The following CSMD2 variants were observed in gnomAD, a reference collection of about 807,000 sequenced individuals.
CSMD2 encodes CUB and Sushi multiple domains 2.
CSMD2 carries 130 observed loss-of-function variants against 398.5 expected under a neutral mutation model. The ratio of observed to expected loss-of-function variants is 0.33; its 90% CI spans 0.28 to 0.38. The LOEUF is 0.38. Among genes scored for constraint, CSMD2 ranks in the 10% least tolerant of loss-of-function variants. CSMD2 has a pLI of 1.00. For synonymous variants in CSMD2, 1,828 were observed against 1,908.5 expected (o/e 0.96, Z 1.10); for missense variants, 3,829 against 4,764.9 (o/e 0.80, Z 5.78).
rs187172425 is a variant in CSMD2, at chr1:33,628,821, A to T, written c.5201-2240T>A. On this transcript the variant is annotated intron_variant, in intron 32 of 70. Transcript: ENST00000373381. ...AGTGGGCTTTTTAATTAACAACAAC[A>T]AAAAAAGAAAATCACATAGACAGAA... Among the ~76,000 whole-genome samples the T allele has an allele frequency of 1.5e-4, 23 of 152,278 alleles. No homozygotes were observed. The East Asian group carries it at 4.4e-3, about 29-fold the overall frequency.
At chr1:34,076,748 G>C (rs1465769752) in intron 2 of CSMD2, among the ~76,000 whole-genome samples, 1 of 151,044 alleles carries the variant, frequency 6.6e-6, no homozygotes, top group Non-Finnish European at 1.5e-5. Context: ...TAACCTATAA[G>C]GTAGATCTTG....
chr1:34,092,734 C>T (rs1373417095), intron 1 of CSMD2, among the ~76,000 whole-genome samples: 3 of 152,214 alleles, frequency 2.0e-5, no homozygotes, highest in African/African-American at 7.2e-5. Context: ...GAGATTATAT[C>T]CCGCACCTGG....
chr1:34,016,119 T>C (rs939943175), intron 3 of CSMD2, among the ~76,000 whole-genome samples: 1 of 152,134 alleles, frequency 6.6e-6, no homozygotes, highest in Non-Finnish European at 1.5e-5. Context: ...TAGTTTATCA[T>C]TTTATTTATA....
chr1:33,699,973 A>G (rs1330559187), intron 23 of CSMD2, among the ~76,000 whole-genome samples: 1 of 151,690 alleles, frequency 6.6e-6, no homozygotes, highest in East Asian at 1.9e-4. Context: ...CAATCTTTTC[A>G]AGGGTCATCC....
At chr1:34,029,289 C>T (rs1479946366) in intron 3 of CSMD2, among the ~76,000 whole-genome samples, 1 of 152,136 alleles carries the variant, frequency 6.6e-6, no homozygotes, top group Non-Finnish European at 1.5e-5. Context: ...GCCAAATCTT[C>T]ATAAATTCCT....
chr1:33,710,094 T>A (rs1645933124), intron 21 of CSMD2, among the ~76,000 whole-genome samples: 1 of 152,222 alleles, frequency 6.6e-6, no homozygotes, highest in African/African-American at 2.4e-5. Flanking sequence ...TTGTTAACAT[T>A]TCTATGTCCT....
intron 4 of CSMD2, among the ~76,000 whole-genome samples, chr1:33,935,271 G>A (rs940965551): frequency 6.6e-6 from 1 of 152,100 alleles, no homozygotes; most frequent in Non-Finnish European, 1.5e-5. Flanking sequence ...GTTTTTCTGG[G>A]GGAGGGGGTT....
chr1:34,018,516 C>T (rs4653373), intron 3 of CSMD2, among the ~76,000 whole-genome samples: 31,221 of 152,142 alleles, frequency 0.21, 3,894 homozygotes, highest in East Asian at 0.57. Flanking sequence ...CAGCCATGTG[C>T]GAGTGTGTCT....
At position 33,984,158 on chromosome 1, in the gene CSMD2, C is replaced by G. The variant is rs367905165; in HGVS notation, c.518-48204G>C. 7.2e-5 allele frequency among the ~76,000 whole-genome samples: 7 copies of G among 97,848 alleles called. No homozygotes were observed. The South Asian group carries it at 2.3e-3, about 32-fold the overall frequency. 64.2% of individuals were successfully genotyped at this position (97,848 alleles called of 152,430 possible). A position where few individuals can be genotyped will look rare whatever the true frequency, so the allele number is the denominator to read the frequency against. On this transcript the variant is annotated intron_variant, in intron 3 of 70. Transcript: ENST00000373381. ...GACAGAGCGAGACTCTGTCTCCCCC[C>G]ACCAAAAAAAAAAAAGGACAAAATG...
At chr1:33,647,303 C>T (rs547238147) in intron 28 of CSMD2, among the ~76,000 whole-genome samples, 2 of 152,266 alleles carry the variant, frequency 1.3e-5, no homozygotes, top group South Asian at 2.1e-4. Context: ...AGGACCCTAG[C>T]TTTGTGCCTT....
intron 5 of CSMD2, among the ~76,000 whole-genome samples, chr1:33,892,070 A>G (rs1166584473): frequency 7.8e-6 from 1 of 127,950 alleles, no homozygotes; most frequent in African/African-American, 2.8e-5. Context: ...ATAATAATAA[A>G]AAGAAAACCC....
intron 3 of CSMD2, among the ~76,000 whole-genome samples, chr1:33,969,751 G>A (rs967477369): frequency 6.6e-6 from 1 of 152,022 alleles, no homozygotes; most frequent in Non-Finnish European, 1.5e-5. Context: ...ATGAATGAAT[G>A]AGTGAGTGAG....
chr1:33,533,985 A>G lies in CSMD2; in HGVS notation c.9880-78T>C. 3 of 829,110 alleles carry G rather than the reference A, an allele frequency of 3.6e-6. No individual in the cohort carries two copies. The highest frequency in any genetic ancestry group is 6.1e-6 in the Non-Finnish European group (3 of 488,430). 51.4% of individuals were successfully genotyped at this position (829,110 alleles called of 1,614,324 possible). ...ACGTCTGTCCCTTGACCACTTTCAC[A>G]TGGCCCAACTCCTCCCGCACTGTTG... On this transcript the variant is annotated intron_variant, in intron 62 of 70. Transcript: ENST00000373381. The surrounding 1 kb of genome is among the most constrained non-coding windows in gnomAD (Gnocchi z 4.2).
intron 3 of CSMD2, among the ~76,000 whole-genome samples, chr1:33,962,308 G>A (rs925207485): frequency 1.3e-5 from 2 of 152,134 alleles, no homozygotes; most frequent in Admixed American, 6.5e-5. Context: ...ATGTGGGCAT[G>A]TTGCTACTTA....
chr1:33,615,629 G>C (rs1641334544), intron 39 of CSMD2, among the ~76,000 whole-genome samples: 1 of 152,224 alleles, frequency 6.6e-6, no homozygotes, highest in Admixed American at 6.5e-5. Context: ...GGTCATATCA[G>C]AAAGGACTGC....
At chr1:34,145,682 C>T (rs909503630) in intron 1 of CSMD2, among the ~76,000 whole-genome samples, 4 of 152,284 alleles carry the variant, frequency 2.6e-5, no homozygotes, top group African/African-American at 9.6e-5. Context: ...ACATCCCGCG[C>T]CATAACAAAG....
rs138806964 is a variant in CSMD2, at chr1:33,587,122, G to A, written c.6903C>T (p.Ala2301=). The change falls in exon 45 of 71, where the codon GCC becomes GCT. Residue 2301 remains alanine (A), a synonymous_variant. Transcript: ENST00000373381. ...KCPPPTILPN[A]EVVTENEEFN... is the part of the protein sequence containing the mutation. ...ATTCTTCATTCTCTGTGACGACTTC[G>A]GCGTTGGGGAGGATGGTGGGAGGAG... The A allele has an allele frequency of 2.6e-5, 42 of 1,610,234 alleles. No individual in the cohort carries two copies. The African/African-American group carries it at 3.2e-4, about 12-fold the overall frequency.
chr1:33,847,834 C>T (rs1638386511), intron 5 of CSMD2, among the ~76,000 whole-genome samples: 1 of 152,118 alleles, frequency 6.6e-6, no homozygotes, highest in African/African-American at 2.4e-5. Flanking sequence ...ATGATGACCC[C>T]TCCCTCAAAA....
chr1:33,956,578 C>A (rs1416057064), intron 3 of CSMD2, among the ~76,000 whole-genome samples: 1 of 152,072 alleles, frequency 6.6e-6, no homozygotes, highest in East Asian at 1.9e-4. Flanking sequence ...CTCTATCTAC[C>A]CTCTTGCTCA....
Sources: gnomAD v4.1 joint callset for allele counts (sites outside exome capture counted in the v4.1 genomes callset) on GRCh38, gnomAD v4.1.1 for gene constraint, Gnocchi (gnomAD v3.1) non-coding constraint, MANE v1.5 for transcripts, NCBI Gene and HGNC (gene_info 2026-07-23, HGNC 2026-07-21) for gene names.